The following ZMYM2 variants were observed in gnomAD, a reference collection of about 807,000 sequenced individuals.
ZMYM2 encodes the protein zinc finger MYM-type containing 2.
ZMYM2 carries 56 observed loss-of-function variants against 162.8 expected under a neutral mutation model. That is an observed-to-expected ratio of 0.34 (90% CI 0.28 to 0.43). ZMYM2 has a LOEUF of 0.43. Ranked by LOEUF, ZMYM2 falls within the 20% of genes least tolerant of loss-of-function variation. The pLI is 1.00. For synonymous variants in ZMYM2, 510 were observed against 541.6 expected, an observed-to-expected ratio of 0.94 and a Z score of 0.81; for missense variants, 1,275 against 1,621.8, an observed-to-expected ratio of 0.79 and a Z score of 3.67.
chr13:19,920,036 T>G, the ZMYM2 span, among the ~76,000 whole-genome samples: 1 of 152,292 alleles, frequency 6.6e-6, no homozygotes, highest in East Asian at 1.9e-4. Context: ...CTCGAACTCC[T>G]GGGCTCAAGC....
the ZMYM2 span, among the ~76,000 whole-genome samples, chr13:19,910,175 C>A: frequency 2.0e-5 from 3 of 151,730 alleles, no homozygotes; most frequent in African/African-American, 7.3e-5. Context: ...TGCAGTGAGC[C>A]GAGATTGCGC....
rs191695944 is a variant in ZMYM2, at chr13:19,969,125, T to G, written c.-11+9099T>G. ...CCCAGTGTTTAAACTTTAAAATGTA[T>G]TCTTATGATTTTTCCACCTGGTCAT... On this transcript the variant is annotated intron_variant, in intron 2 of 24. Coordinates refer to ENST00000610343, the MANE Select transcript of ZMYM2 (RefSeq NM_197968.4). Among the ~76,000 whole-genome samples the G allele has an allele frequency of 1.1e-4, 16 of 152,344 alleles. 1 individual carries two copies. The East Asian group carries it at 3.1e-3, about 29-fold the overall frequency.
chr13:19,999,212 AG>A (rs1950220700), intron 3 of ZMYM2, among the ~76,000 whole-genome samples: 1 of 152,214 alleles, frequency 6.6e-6, no homozygotes, highest in African/African-American at 2.4e-5. Flanking sequence ...CTCATTTTAT[AG>A]TACTTTGTTT....
rs575222187 is a variant in ZMYM2, at chr13:20,013,542, T to G, written c.1513-6005T>G. On this transcript the variant is annotated intron_variant, in intron 6 of 24. Coordinates refer to ENST00000610343, the MANE Select transcript of ZMYM2 (RefSeq NM_197968.4). ...TAGAGGAAAATAATTTTTTTACCAT[T>G]GAGTCTGATGTTAGAATGGGTTGTT... is the stretch of plus-strand genomic sequence containing the variant. Among the ~76,000 whole-genome samples, 9 of 152,330 alleles carry G rather than the reference T, an allele frequency of 5.9e-5. No homozygotes were observed. The South Asian group carries it at 1.9e-3, about 32-fold the overall frequency.
At chr13:19,917,173 A>G in the ZMYM2 span, among the ~76,000 whole-genome samples, 3 of 151,966 alleles carry the variant, frequency 2.0e-5, no homozygotes, top group Admixed American at 6.6e-5. Flanking sequence ...TGTGTTAGCC[A>G]GGATGGTCTC....
chr13:20,079,211 C>T (rs973483668), intron 21 of ZMYM2, among the ~76,000 whole-genome samples: 4 of 143,926 alleles, frequency 2.8e-5, no homozygotes, highest in African/African-American at 1.0e-4. Flanking sequence ...CTCAGCTACT[C>T]GGGAGGCTGA....
In ZMYM2 at chr13:20,005,226, G is replaced by A; in HGVS notation, c.1286G>A (p.Gly429Asp). The change falls in exon 5 of 25, where the codon GGT becomes GAT. Residue 429 changes from glycine to aspartate, a missense_variant. Around this residue, in one of 10 missense-constraint regions of ZMYM2, gnomAD observed 276 missense variants for 311.8 expected, o/e 0.89. Coordinates refer to ENST00000610343, the MANE Select transcript of ZMYM2 (RefSeq NM_197968.4). ...AATAAATCAAGATGTACAATCTGTG[G>A]TAAACTAACTGAGGTTTGTATTTTT... ...ALNKSRCTIC[G>D]KLTEIRHEVS... The A allele has an allele frequency of 6.4e-7, 1 of 1,558,140 alleles. No homozygotes were observed. The highest frequency in any genetic ancestry group is 8.6e-7 in the Non-Finnish European group (1 of 1,159,928).
the ZMYM2 span, among the ~76,000 whole-genome samples, chr13:19,911,381 T>C: frequency 6.6e-6 from 1 of 152,042 alleles, no homozygotes; most frequent in Non-Finnish European, 1.5e-5. Context: ...CTTGACACAA[T>C]TTACAAACCT....
chr13:19,965,088 A>AT (rs962428777), intron 2 of ZMYM2: 95 of 83,102 alleles, frequency 1.1e-3, no homozygotes, highest in Middle Eastern at 4.3e-3. Flanking sequence ...AAGTATAATA[A>AT]AAAAAAAAAA....
the ZMYM2 span, among the ~76,000 whole-genome samples, chr13:19,901,951 T>C: frequency 6.6e-6 from 1 of 152,088 alleles, no homozygotes; most frequent in African/African-American, 2.4e-5. Flanking sequence ...CCATTATGCC[T>C]GGCTAACTTT....
At chr13:20,027,117 G>T in intron 8 of ZMYM2, 86 bp from the exon 9 acceptor site, 1 of 894,470 alleles carries the variant, frequency 1.1e-6, no homozygotes. Context: ...TTTTTTAACA[G>T]AAACTTCTAT....
intron 2 of ZMYM2, among the ~76,000 whole-genome samples, chr13:19,961,843 T>G (rs1480254928): frequency 1.3e-5 from 2 of 152,222 alleles, no homozygotes; most frequent in African/African-American, 4.8e-5. Flanking sequence ...GAAGATAACC[T>G]GATGATTTTT....
At chr13:20,033,191 T>C (rs186550938) in intron 10 of ZMYM2, among the ~76,000 whole-genome samples, 42 of 152,138 alleles carry the variant, frequency 2.8e-4, no homozygotes, top group Admixed American at 2.4e-3. Context: ...TAGTGTCATA[T>C]AGAAAATGAA....
intron 11 of ZMYM2, among the ~76,000 whole-genome samples, chr13:20,035,706 A>C (rs1224030662): frequency 6.6e-6 from 1 of 152,186 alleles, no homozygotes; most frequent in Non-Finnish European, 1.5e-5. Flanking sequence ...GATCGGTAAT[A>C]GCATGTTGAA....
intron 2 of ZMYM2, among the ~76,000 whole-genome samples, chr13:19,991,103 G>GTGTGTGTGTGTGTGTACGTA (rs1237817110): frequency 2.2e-5 from 3 of 138,122 alleles, no homozygotes; most frequent in African/African-American, 7.6e-5. Flanking sequence ...GTGTGTGTGT[G>GTGTGTGTGTGTGTGTACGTA]TGTGTGTGTG....
At chr13:20,077,531 C>T (rs916134058) in intron 21 of ZMYM2, among the ~76,000 whole-genome samples, 6 of 146,412 alleles carry the variant, frequency 4.1e-5, no homozygotes, top group Admixed American at 3.3e-4. Flanking sequence ...ATTAATTCTA[C>T]CTAAGTATAT....
chr13:20,040,874 C>G (rs1954184871), intron 12 of ZMYM2, among the ~76,000 whole-genome samples: 1 of 152,120 alleles, frequency 6.6e-6, no homozygotes, highest in Admixed American at 6.5e-5. Flanking sequence ...AAAAGTTGTT[C>G]AGAACAGGTT....
the ZMYM2 span, among the ~76,000 whole-genome samples, chr13:19,889,859 T>G: frequency 2.0e-4 from 31 of 151,924 alleles, no homozygotes; most frequent in Non-Finnish European, 4.3e-4. Context: ...AAGTATTTTT[T>G]TTTTGTATTT....
At chr13:19,877,211 CAAAA>C in the ZMYM2 span, among the ~76,000 whole-genome samples, 1 of 126,546 alleles carries the variant, frequency 7.9e-6, no homozygotes, top group African/African-American at 3.1e-5. Context: ...GACTCCGTCT[CAAAA>C]AAAAAAAAAA....
Sources: gnomAD v4.1 joint callset for allele counts (sites outside exome capture counted in the v4.1 genomes callset) on GRCh38, gnomAD v4.1.1 for gene constraint, gnomAD v4.1.1 regional missense constraint, MANE v1.5 for transcripts, NCBI Gene and HGNC (gene_info 2026-07-23, HGNC 2026-07-21) for gene names.